The following CNPY1 variants were observed in gnomAD, a reference collection of about 807,000 sequenced individuals.
The protein encoded by CNPY1 is protein canopy homolog 1.
In CNPY1, 14 loss-of-function variants were observed where a neutral mutation model predicts 14.4. The ratio of observed to expected loss-of-function variants is 0.97; its 90% confidence interval spans 0.64 to 1.52. CNPY1 has a LOEUF of 1.52. Ranked by LOEUF, CNPY1 falls within the 40% of genes most tolerant of loss-of-function variation. The pLI, the probability that CNPY1 is intolerant of heterozygous loss-of-function variation, is 0.00. For synonymous variants in CNPY1, 43 were observed against 46.5 expected, an observed-to-expected ratio of 0.92 and a Z score of 0.31; for missense variants, 129 against 131.5, an observed-to-expected ratio of 0.98 and a Z score of 0.09.
chr7:155,522,587 G>A (rs1796746524), intron 2 of CNPY1, among the ~76,000 whole-genome samples: 2 of 152,358 alleles, frequency 1.3e-5, no homozygotes, highest in South Asian at 2.1e-4. Context: ...GAAGCCAGAA[G>A]ATAAACCAGG....
At chr7:155,542,274 C>T (rs1167104925) in intron 2 of CNPY1, among the ~76,000 whole-genome samples, 1 of 150,330 alleles carries the variant, frequency 6.7e-6, no homozygotes, top group East Asian at 1.9e-4. Flanking sequence ...GAAAGCAAGT[C>T]CTGCTTGGTC....
At chr7:155,529,568 T>C (rs1435690359) in intron 2 of CNPY1, among the ~76,000 whole-genome samples, 2 of 152,164 alleles carry the variant, frequency 1.3e-5, no homozygotes, top group East Asian at 1.9e-4. Context: ...CCTTGGCTTA[T>C]GGACGCATCA....
At chr7:155,544,618 C>T (rs559698289) in intron 2 of CNPY1, among the ~76,000 whole-genome samples, 13 of 152,338 alleles carry the variant, frequency 8.5e-5, no homozygotes, top group African/African-American at 1.4e-4. Context: ...AATCAGCTCC[C>T]GGCTGGTGTC....
At chr7:155,516,614 G>A (rs1311852422) in intron 2 of CNPY1, among the ~76,000 whole-genome samples, 1 of 152,228 alleles carries the variant, frequency 6.6e-6, no homozygotes, top group Non-Finnish European at 1.5e-5. Flanking sequence ...ACCCCAGCCT[G>A]GGGCACACCC....
chr7:155,507,298 T>C (rs1796351231), intron 3 of CNPY1, among the ~76,000 whole-genome samples, 182 bp from the exon 4 acceptor site: 1 of 151,822 alleles, frequency 6.6e-6, no homozygotes, highest in Non-Finnish European at 1.5e-5. Context: ...TCCCAGAATG[T>C]TAATTGCATC....
intron 2 of CNPY1, among the ~76,000 whole-genome samples, chr7:155,533,506 G>GC (rs551802171): frequency 6.8e-4 from 103 of 152,294 alleles, no homozygotes; most frequent in Admixed American, 2.4e-3. Flanking sequence ...GCACGCTCCG[G>GC]CCCGCGCAGA....
chr7:155,521,055 G>GGAAGGAAGGAAGGAAGGAAGC (rs1796712456), intron 2 of CNPY1, among the ~76,000 whole-genome samples: 1 of 99,310 alleles, frequency 1.0e-5, no homozygotes, highest in Non-Finnish European at 1.9e-5. Context: ...AAAAAAGAAA[G>GGAAGGAAGGAAGGAAGGAAGC]AAGGAAGGAA....
At chr7:155,507,471 T>TAA (rs35711313) in intron 3 of CNPY1, among the ~76,000 whole-genome samples, 5,876 of 54,050 alleles carry the variant, frequency 0.11, 665 homozygotes, top group East Asian at 0.13. Flanking sequence ...GTTTTTAAAC[T>TAA]AAAAAAAAAA....
At chr7:155,525,234 G>T (rs1453731311) in intron 2 of CNPY1, among the ~76,000 whole-genome samples, 1 of 152,036 alleles carries the variant, frequency 6.6e-6, no homozygotes, top group Admixed American at 6.5e-5. Context: ...AGACTGTAGT[G>T]CAGTGGTGCA....
intron 2 of CNPY1, among the ~76,000 whole-genome samples, chr7:155,544,303 G>T (rs1265388405): frequency 6.6e-6 from 1 of 152,166 alleles, no homozygotes; most frequent in East Asian, 1.9e-4. Context: ...TCACTTAAAG[G>T]CTGTCGCCCA....
chr7:155,540,212 G>A (rs1797068223), intron 2 of CNPY1, among the ~76,000 whole-genome samples: 1 of 152,186 alleles, frequency 6.6e-6, no homozygotes, highest in Admixed American at 6.5e-5. Flanking sequence ...GGGGGCTGGA[G>A]GAGGAAACAA....
In CNPY1 at chr7:155,534,581, T is replaced by C. The variant is rs188486545; in HGVS notation, c.99+11250A>G. Among the ~76,000 whole-genome samples the C allele has an allele frequency of 2.7e-3, 405 of 152,266 alleles. 2 individuals are homozygous for C. Among genetic ancestry groups the C allele is most frequent in the Non-Finnish European group, 4.5e-3 (309 of 68,018 alleles). ...GGCGGATCAGCTGCAGGGGCTGAGG[T>C]CTCAGCCTGCTCCACTCACAGCGTC... On this transcript the variant is annotated intron_variant, in intron 2 of 4. Transcript: ENST00000636446.
intron 2 of CNPY1, among the ~76,000 whole-genome samples, chr7:155,539,927 A>G (rs888275121): frequency 6.6e-6 from 1 of 152,160 alleles, no homozygotes; most frequent in Non-Finnish European, 1.5e-5. Flanking sequence ...CCAGCAAGTT[A>G]TGGGAAGGTG....
intron 2 of CNPY1, among the ~76,000 whole-genome samples, chr7:155,544,548 T>C (rs2116763014): frequency 1.3e-5 from 2 of 152,352 alleles, no homozygotes; most frequent in East Asian, 3.9e-4. Context: ...ATTACACATG[T>C]GGACACAATG....
intron 2 of CNPY1, among the ~76,000 whole-genome samples, chr7:155,514,241 T>C (rs547589572): frequency 6.6e-5 from 10 of 152,250 alleles, no homozygotes; most frequent in Non-Finnish European, 1.5e-4. Flanking sequence ...AATTCCGACG[T>C]TTAAAAAGAG....
chr7:155,521,806 G>A (rs778652069), intron 2 of CNPY1, among the ~76,000 whole-genome samples: 18 of 152,330 alleles, frequency 1.2e-4, no homozygotes, highest in Admixed American at 3.9e-4. Context: ...CCTGGCACCC[G>A]GCACCCTGAG....
intron 3 of CNPY1, among the ~76,000 whole-genome samples, chr7:155,508,654 G>A (rs1489517096): frequency 6.6e-6 from 1 of 152,190 alleles, no homozygotes; most frequent in Non-Finnish European, 1.5e-5. Flanking sequence ...GTATCACTGA[G>A]ACGTGTCCAT....
chr7:155,543,731 C>G (rs551796024), intron 2 of CNPY1, among the ~76,000 whole-genome samples: 1 of 152,160 alleles, frequency 6.6e-6, no homozygotes, highest in Admixed American at 6.6e-5. Flanking sequence ...GGAACCCACC[C>G]GCGCGCCTAC....
At position 155,531,148 on chromosome 7, in the gene CNPY1, G is replaced by A. The variant is rs568830010; in HGVS notation, c.99+14683C>T. Among the ~76,000 whole-genome samples the A allele has an allele frequency of 4.6e-5, 7 of 152,270 alleles. No homozygotes were observed. The South Asian group carries it at 1.5e-3, about 32-fold the overall frequency. ...ATCTGACTGTCCCCAGACACAACCC[G>A]CCTAGTTCCCACAGGCATGCGTGCC... On this transcript the variant is annotated intron_variant, in intron 2 of 4. Coordinates refer to ENST00000636446, the MANE Select transcript of CNPY1 (RefSeq NM_001393663.1).
Sources: allele counts gnomAD v4.1 joint callset (sites outside exome capture counted in the v4.1 genomes callset), GRCh38; gene constraint gnomAD v4.1.1; transcripts MANE v1.5; gene names NCBI Gene and HGNC (gene_info 2026-07-23, HGNC 2026-07-21).